The following GPHN variants were observed in gnomAD, a reference collection of about 807,000 sequenced individuals.
GPHN encodes the protein gephyrin.
GPHN carries 17 observed loss-of-function variants against 95.5 expected under a neutral mutation model. The ratio of observed to expected loss-of-function variants is 0.18; its 90% CI spans 0.12 to 0.27. The LOEUF (loss-of-function observed/expected upper bound fraction) is 0.27, where lower values mean the gene tolerates loss of function less well. Ranked by LOEUF, GPHN falls within the 10% of genes least tolerant of loss-of-function variation. The pLI, the probability that GPHN is intolerant of heterozygous loss-of-function variation, is 1.00. For synonymous variants in GPHN, 320 were observed against 322.5 expected (o/e 0.99, Z 0.08); for missense variants, 660 against 978.1 (o/e 0.67, Z 4.34).
the GPHN span, among the ~76,000 whole-genome samples, chr14:67,515,657 C>T: frequency 6.6e-6 from 1 of 152,186 alleles, no homozygotes; most frequent in South Asian, 2.1e-4. Flanking sequence ...CGGTGCAGGG[C>T]TCTTCGGCCC....
intron 2 of GPHN, among the ~76,000 whole-genome samples, chr14:66,710,405 C>G (rs2069504661): frequency 6.6e-6 from 1 of 152,134 alleles, no homozygotes; most frequent in Admixed American, 6.6e-5. Context: ...TAATCTTAGT[C>G]TATGCATCAT....
intron 8 of GPHN, among the ~76,000 whole-genome samples, chr14:66,933,695 T>C (rs1400980975): frequency 1.3e-5 from 2 of 152,224 alleles, no homozygotes; most frequent in East Asian, 3.9e-4. Flanking sequence ...AGATTATTAT[T>C]TTTAGTACAG....
At chr14:66,613,309 T>C (rs2062862982) in intron 1 of GPHN, among the ~76,000 whole-genome samples, 5 of 152,128 alleles carry the variant, frequency 3.3e-5, no homozygotes, top group Admixed American at 3.3e-4. Flanking sequence ...ATCTAAAATG[T>C]ATTTTCTCCT....
At chr14:67,204,172 C>T in the GPHN span, among the ~76,000 whole-genome samples, 1 of 152,122 alleles carries the variant, frequency 6.6e-6, no homozygotes, top group Non-Finnish European at 1.5e-5. Flanking sequence ...CATGGTGGCT[C>T]ACACCTGTAA....
intron 2 of GPHN, among the ~76,000 whole-genome samples, chr14:66,734,209 A>G (rs1480465829): frequency 6.6e-6 from 1 of 152,154 alleles, no homozygotes; most frequent in African/African-American, 2.4e-5. Flanking sequence ...GGCTCTCTAT[A>G]ACATTCAGAA....
chr14:67,586,339 C>T, the GPHN span: 1 of 1,422,350 alleles, frequency 7.0e-7, no homozygotes. Context: ...CTATTATGCT[C>T]TTCACTTTTT....
downstream of GPHN, among the ~76,000 whole-genome samples, chr14:67,186,136 C>A (rs1217252749): frequency 6.6e-6 from 1 of 152,066 alleles, no homozygotes; most frequent in Non-Finnish European, 1.5e-5. Flanking sequence ...TTTTATTTAA[C>A]AAGCATTTCT....
At chr14:67,199,620 A>G in the GPHN span, 10 of 1,585,278 alleles carry the variant, frequency 6.3e-6, no homozygotes, top group South Asian at 9.9e-5. Context: ...GGTGAGCGCC[A>G]TGGCTTAGCA....
the GPHN span, chr14:67,647,947 A>C: frequency 8.5e-7 from 1 of 1,176,484 alleles, no homozygotes. Context: ...TAGGACTAAT[A>C]GCAACAAAAT....
At chr14:67,047,313 T>G (rs1447358040) in intron 10 of GPHN, among the ~76,000 whole-genome samples, 4 of 146,190 alleles carry the variant, frequency 2.7e-5, no homozygotes, top group Non-Finnish European at 5.9e-5. Context: ...TTTTCTTCAT[T>G]TATTTTGTGT....
chr14:67,626,237 G>A, the GPHN span, among the ~76,000 whole-genome samples: 1 of 151,858 alleles, frequency 6.6e-6, no homozygotes. Flanking sequence ...CTGGGCAACA[G>A]AGTGAGACTC....
At chr14:66,510,390 A>G (rs990053528) in intron 1 of GPHN, among the ~76,000 whole-genome samples, 1 of 152,234 alleles carries the variant, frequency 6.6e-6, no homozygotes, top group African/African-American at 2.4e-5. Context: ...CTTTCCATTA[A>G]ATAATAGTTT....
chr14:67,319,017 C>A, the GPHN span, among the ~76,000 whole-genome samples: 1 of 150,368 alleles, frequency 6.7e-6, no homozygotes, highest in Non-Finnish European at 1.5e-5. Context: ...GAGATCGCGC[C>A]ACTGCACTCC....
At chr14:67,536,020 G>A in the GPHN span, among the ~76,000 whole-genome samples, 8 of 152,326 alleles carry the variant, frequency 5.3e-5, no homozygotes, top group South Asian at 2.1e-4. Flanking sequence ...GCCTGAGCTC[G>A]TATTCAAACC....
chr14:67,558,631 C>T, the GPHN span, among the ~76,000 whole-genome samples: 1 of 152,296 alleles, frequency 6.6e-6, no homozygotes, highest in African/African-American at 2.4e-5. Flanking sequence ...AGGTCAATCT[C>T]ATAAAAGAAA....
intron 2 of GPHN, among the ~76,000 whole-genome samples, chr14:66,759,949 T>C (rs1440151906): frequency 6.6e-6 from 1 of 152,220 alleles, no homozygotes; most frequent in Non-Finnish European, 1.5e-5. Context: ...ATTTTACATG[T>C]ATACAATTAC....
chr14:67,435,003 G>C, the GPHN span, among the ~76,000 whole-genome samples: 1 of 137,178 alleles, frequency 7.3e-6, no homozygotes, highest in Non-Finnish European at 1.6e-5. Flanking sequence ...GTCTCACTCT[G>C]TCACCCAGGC....
At chr14:66,934,375 G>A (rs972604070) in intron 8 of GPHN, among the ~76,000 whole-genome samples, 25 of 152,222 alleles carry the variant, frequency 1.6e-4, no homozygotes, top group Middle Eastern at 3.4e-3. Flanking sequence ...ACATTTGTTC[G>A]TTGTCTGTCC....
rs548310746 is a variant in GPHN, at chr14:66,563,845, T to G, written c.64+55254T>G. Among the ~76,000 whole-genome samples, 4 of 152,292 alleles carry G rather than the reference T, an allele frequency of 2.6e-5. No individual in the cohort carries two copies. The South Asian group carries it at 8.3e-4, about 32-fold the overall frequency. ...ACTGGATGCTTATCATTCTCTTAAGTGATGGTAATTTCTAGTCTGGCTTTT... is the reference window on the plus strand; with the variant it reads ...ACTGGATGCTTATCATTCTCTTAAGGGATGGTAATTTCTAGTCTGGCTTTT... On this transcript the variant is annotated intron_variant, in intron 1 of 22. Coordinates refer to ENST00000478722, the MANE Select transcript of GPHN (RefSeq NM_020806.5).
Sources: allele counts gnomAD v4.1 joint callset (sites outside exome capture counted in the v4.1 genomes callset), GRCh38; gene constraint gnomAD v4.1.1; transcripts MANE v1.5; gene names NCBI Gene and HGNC (gene_info 2026-07-23, HGNC 2026-07-21).